NAPEPLD: variants seen among roughly 807,000 people sequenced by gnomAD.
NAPEPLD encodes the protein N-acyl-phosphatidylethanolamine-hydrolyzing phospholipase D.
A neutral mutation model predicts 38.1 loss-of-function variants in NAPEPLD; 23 were observed. That is an observed-to-expected ratio of 0.60 (90% confidence interval 0.43 to 0.86). NAPEPLD has a LOEUF of 0.86. NAPEPLD is among the 40% of genes least tolerant of loss of function. The pLI is 0.00. For missense variants in NAPEPLD, 411 were observed against 476.8 expected, an observed-to-expected ratio of 0.86 and a Z score of 1.28; for synonymous variants, 147 against 162.0, an observed-to-expected ratio of 0.91 and a Z score of 0.71.
intron 3 of NAPEPLD, among the ~76,000 whole-genome samples, chr7:103,116,019 A>T (rs1405432188): frequency 6.6e-6 from 1 of 151,936 alleles, no homozygotes; most frequent in African/African-American, 2.4e-5. Context: ...GCTAGGGATC[A>T]CTTCTGTCAC....
At chr7:103,140,219 T>C (rs1193144077) in intron 1 of NAPEPLD, among the ~76,000 whole-genome samples, 2 of 152,058 alleles carry the variant, frequency 1.3e-5, no homozygotes, top group Admixed American at 6.6e-5. Flanking sequence ...ACAGTAACAG[T>C]TTTAATGAGA....
At chr7:103,103,706 A>T in intron 4 of NAPEPLD, 152 bp from the exon 5 acceptor site, 1 of 737,958 alleles carries the variant, frequency 1.4e-6, no homozygotes, top group Non-Finnish European at 2.1e-6. Flanking sequence ...GGTCTATCAC[A>T]TTTTCTAATA....
intron 4 of NAPEPLD, among the ~76,000 whole-genome samples, chr7:103,104,398 C>G (rs1173538510): frequency 6.6e-6 from 1 of 152,188 alleles, no homozygotes; most frequent in African/African-American, 2.4e-5. Flanking sequence ...GGACTGACTT[C>G]TACGGCACGC....
At chr7:103,103,618 TAAC>T in intron 4 of NAPEPLD, 64 bp from the exon 5 acceptor site, 2 of 1,516,668 alleles carry the variant, frequency 1.3e-6, no homozygotes, top group South Asian at 2.6e-5. Flanking sequence ...ATTTTCCAAA[TAAC>T]AGTTCAAACT....
At chr7:103,112,109 G>A (rs1804642603) in intron 4 of NAPEPLD, among the ~76,000 whole-genome samples, 1 of 152,174 alleles carries the variant, frequency 6.6e-6, no homozygotes, top group Non-Finnish European at 1.5e-5. Flanking sequence ...GGAAACAGAT[G>A]CTGGAGTGGA....
At chr7:103,141,592 A>C in intron 1 of NAPEPLD, 1 of 973,176 alleles carries the variant, frequency 1.0e-6, no homozygotes, top group Admixed American at 1.7e-5. Context: ...ACATGCGGCG[A>C]TCAATCTTCT....
intron 2 of NAPEPLD, among the ~76,000 whole-genome samples, chr7:103,123,942 A>G (rs1473753432): frequency 6.6e-6 from 1 of 152,188 alleles, no homozygotes; most frequent in Admixed American, 6.6e-5. Context: ...GTATATACAT[A>G]TGTCAAAACT....
intron 4 of NAPEPLD, among the ~76,000 whole-genome samples, chr7:103,107,245 G>C (rs774854441): frequency 6.6e-5 from 10 of 151,852 alleles, no homozygotes; most frequent in Non-Finnish European, 1.2e-4. Flanking sequence ...CCACCTGAAG[G>C]TCACCAACAT....
In NAPEPLD at chr7:103,115,159, G is replaced by A. The variant is rs924445798; in HGVS notation, c.957C>T (p.Tyr319=). ...GAYEPRWFMK[Y]QHVDPEEAVR... is the part of the protein sequence containing the mutation. ...CAGCTTCTTCTGGGTCTACATGCTGGTATTTCATAAACCACCTGAAGAAAC... is the reference window on the plus strand; with the variant it reads ...CAGCTTCTTCTGGGTCTACATGCTGATATTTCATAAACCACCTGAAGAAAC... Residue 319 remains tyrosine (Y), a synonymous_variant, in exon 4 of 5, where the codon TAC becomes TAT. Coordinates refer to ENST00000465647, the MANE Select transcript of NAPEPLD (RefSeq NM_001122838.3). 2.5e-6 allele frequency: 4 copies of A among 1,612,586 alleles called. No homozygotes were observed. The highest frequency in any genetic ancestry group is 1.3e-5 in the African/African-American group (1 of 74,852).
chr7:103,135,592 CAACCAGT>C (rs1809859775), intron 1 of NAPEPLD, among the ~76,000 whole-genome samples: 1 of 152,078 alleles, frequency 6.6e-6, no homozygotes, highest in Non-Finnish European at 1.5e-5. Flanking sequence ...CTTAGCAAAA[CAACCAGT>C]TTTGCTAAGA....
chr7:103,149,601 G>C, upstream of NAPEPLD: 1 of 758,276 alleles, frequency 1.3e-6, no homozygotes, highest in South Asian at 1.8e-5. Context: ...CCGCCCCTGT[G>C]GGCCGGGGCG....
At chr7:103,134,015 C>T (rs1005966128) in intron 1 of NAPEPLD, among the ~76,000 whole-genome samples, 1 of 152,026 alleles carries the variant, frequency 6.6e-6, no homozygotes, top group Non-Finnish European at 1.5e-5. Flanking sequence ...TGTCATGTGC[C>T]ACTAAGGAAG....
chr7:103,131,951 TAAAAATTC>T (rs1809034521), intron 1 of NAPEPLD, among the ~76,000 whole-genome samples: 1 of 152,044 alleles, frequency 6.6e-6, no homozygotes, highest in African/African-American at 2.4e-5. Context: ...TCGTCTCTAC[TAAAAATTC>T]AAAAATTAGT....
intron 1 of NAPEPLD, among the ~76,000 whole-genome samples, chr7:103,140,191 T>C (rs1162798448): frequency 6.6e-6 from 1 of 152,182 alleles, no homozygotes; most frequent in Non-Finnish European, 1.5e-5. Context: ...ACTAAGCCAC[T>C]GTTTCATTAT....
chr7:103,137,884 G>C (rs1427181652), intron 1 of NAPEPLD, among the ~76,000 whole-genome samples: 1 of 151,348 alleles, frequency 6.6e-6, no homozygotes, highest in African/African-American at 2.4e-5. Context: ...ACCAAAAAAA[G>C]GTTGGGGGAG....
upstream of NAPEPLD, chr7:103,149,109 C>T: frequency 2.3e-5 from 23 of 986,048 alleles, no homozygotes; most frequent in Non-Finnish European, 2.8e-5. Context: ...TGGATTGCTC[C>T]GCCCAGAGAC....
chr7:103,123,856 AT>A (rs1255939336), intron 2 of NAPEPLD, among the ~76,000 whole-genome samples: 8 of 152,228 alleles, frequency 5.3e-5, no homozygotes, highest in African/African-American at 1.9e-4. Flanking sequence ...GGGGGTATGA[AT>A]TTCAAAAGGA....
At chr7:103,145,413 A>C (rs1303899426) in intron 1 of NAPEPLD, among the ~76,000 whole-genome samples, 1 of 152,216 alleles carries the variant, frequency 6.6e-6, no homozygotes, top group Non-Finnish European at 1.5e-5. Context: ...CTACACATAA[A>C]AGTGAGACAC....
intron 1 of NAPEPLD, among the ~76,000 whole-genome samples, chr7:103,143,789 G>A (rs568699598): frequency 8.4e-4 from 128 of 152,272 alleles, no homozygotes; most frequent in Admixed American, 3.6e-3. Context: ...TACGATTACC[G>A]TAACTGGGAG....
Sources: allele counts gnomAD v4.1 joint callset (sites outside exome capture counted in the v4.1 genomes callset), GRCh38; gene constraint gnomAD v4.1.1; transcripts MANE v1.5; gene names NCBI Gene and HGNC (gene_info 2026-07-23, HGNC 2026-07-21).